Variants in RALY observed in about 807,000 individuals in gnomAD.
The protein encoded by RALY is RALY heterogeneous nuclear ribonucleoprotein.
In RALY, 15 loss-of-function variants were observed where a neutral mutation model predicts 30.7. That is an observed-to-expected ratio of 0.49 (90% confidence interval 0.33 to 0.75). RALY has a LOEUF of 0.75. RALY is among the 30% of genes least tolerant of loss of function. The pLI is 0.02. For missense variants in RALY, 339 were observed against 414.3 expected, an observed-to-expected ratio of 0.82 and a Z score of 1.58; for synonymous variants, 177 against 170.8, an observed-to-expected ratio of 1.04 and a Z score of -0.28.
intron 2 of RALY, among the ~76,000 whole-genome samples, chr20:34,036,438 G>A (rs1388961636): frequency 6.6e-6 from 1 of 152,144 alleles, no homozygotes; most frequent in Non-Finnish European, 1.5e-5. Flanking sequence ...ATCCCACATG[G>A]TTGTAGTGTA....
intron 1 of RALY, among the ~76,000 whole-genome samples, chr20:34,010,383 C>T (rs2031348462): frequency 6.6e-6 from 1 of 152,116 alleles, no homozygotes; most frequent in African/African-American, 2.4e-5. Flanking sequence ...CACGCACCAC[C>T]ATGTCCTGTT....
intron 1 of RALY, among the ~76,000 whole-genome samples, chr20:34,025,899 G>GGT (rs2032008786): frequency 1.3e-5 from 1 of 75,918 alleles, no homozygotes; most frequent in Non-Finnish European, 2.4e-5. Flanking sequence ...ATTCCTGGTT[G>GGT]TTTTTTTTTT....
intron 5 of RALY, among the ~76,000 whole-genome samples, chr20:34,075,069 C>T (rs2033835611): frequency 6.6e-6 from 1 of 152,052 alleles, no homozygotes; most frequent in African/African-American, 2.4e-5. Flanking sequence ...GGAAAGGAAG[C>T]CCTCCTAGAG....
chr20:34,072,809 C>T (rs1360774129), intron 3 of RALY, among the ~76,000 whole-genome samples: 1 of 152,134 alleles, frequency 6.6e-6, no homozygotes, highest in Non-Finnish European at 1.5e-5. Flanking sequence ...TGCATTTACT[C>T]CTGTGTATAT....
chr20:34,035,818 A>T (rs1405741092), intron 2 of RALY, among the ~76,000 whole-genome samples: 2 of 152,330 alleles, frequency 1.3e-5, no homozygotes, highest in East Asian at 3.9e-4. Flanking sequence ...GAAAAATAGC[A>T]GGGTAAGGGA....
intron 2 of RALY, among the ~76,000 whole-genome samples, chr20:34,068,349 A>G (rs1472360271): frequency 6.6e-6 from 1 of 152,166 alleles, no homozygotes; most frequent in African/African-American, 2.4e-5. Context: ...AAAGCATAGG[A>G]AGAATTGGGT....
chr20:34,063,867 C>T (rs1250656633), intron 2 of RALY, among the ~76,000 whole-genome samples: 2 of 152,158 alleles, frequency 1.3e-5, no homozygotes, highest in East Asian at 3.9e-4. Flanking sequence ...CTGCTCCTAC[C>T]CCTTCTCTGA....
intron 1 of RALY, among the ~76,000 whole-genome samples, chr20:34,015,624 A>G (rs1344227261): frequency 6.6e-6 from 1 of 151,690 alleles, no homozygotes; most frequent in Non-Finnish European, 1.5e-5. Flanking sequence ...TGGGGGTGTC[A>G]TTATCATTTT....
chr20:34,059,878 C>T (rs969217820), intron 2 of RALY, among the ~76,000 whole-genome samples: 6 of 152,278 alleles, frequency 3.9e-5, no homozygotes, highest in Admixed American at 1.3e-4. Flanking sequence ...GCAGGGGAGC[C>T]CAATCTGCTC....
chr20:34,059,282 A>G (rs2033347841), intron 2 of RALY, among the ~76,000 whole-genome samples: 1 of 152,226 alleles, frequency 6.6e-6, no homozygotes, highest in Non-Finnish European at 1.5e-5. Flanking sequence ...TCTGCATGAA[A>G]GGATTTTAAT....
chr20:34,006,214 A>G (rs758350880), intron 1 of RALY, among the ~76,000 whole-genome samples: 6 of 152,238 alleles, frequency 3.9e-5, no homozygotes, highest in Non-Finnish European at 8.8e-5. Context: ...CTTGGCTTCA[A>G]CAGTTAGCAA....
intron 1 of RALY, among the ~76,000 whole-genome samples, chr20:33,994,764 A>G (rs1005017202): frequency 1.3e-5 from 2 of 151,224 alleles, no homozygotes; most frequent in African/African-American, 4.9e-5. Flanking sequence ...AAAGAAGGAA[A>G]CTCGCTTTGC....
In RALY at chr20:34,077,068, CGGCGGTGGTGGT is replaced by C; in HGVS notation, c.703_714del (p.Gly235_Gly238del). 2.5e-6 allele frequency: 4 copies of C among 1,604,916 alleles called. No individual in the cohort carries two copies. Among genetic ancestry groups the C allele is most frequent in the Non-Finnish European group, 3.4e-6 (4 of 1,175,858 alleles). Reference sequence around the variant, plus strand: ...GTGATGGAGGTGGCGCCGGCGGCGGCGGCGGTGGTGGTGGCAGCGGTGGCGGTGGCAGTGGTG... The same window carrying C: ...GTGATGGAGGTGGCGCCGGCGGCGGCGGCAGCGGTGGCGGTGGCAGTGGTG... On this transcript the variant is annotated inframe_deletion, in exon 8 of 10. Transcript: ENST00000246194.
Position 34,083,344 on chromosome 20 carries a change from C to T in RALY, c.*3439C>T, listed in dbSNP as rs1290172121. ...TGGTTGGCTGGGCAACTGGGCCACA[C>T]GTTCCAGCATCTAGCAGGCTGACCC... On this transcript the variant is annotated 3_prime_UTR_variant, in exon 10 of 10. Coordinates refer to ENST00000246194, the MANE Select transcript of RALY (RefSeq NM_016732.3). The T allele has an allele frequency of 6.6e-6, 1 of 152,196 alleles. No individual in the cohort carries two copies. The allele number at this position is 152,196 out of a possible 1,614,324, so 9.4% of individuals were successfully genotyped here. A position where few individuals can be genotyped will look rare whatever the true frequency, so the allele number is the denominator to read the frequency against.
At chr20:34,046,768 G>T (rs2032894094) in intron 2 of RALY, among the ~76,000 whole-genome samples, 1 of 148,586 alleles carries the variant, frequency 6.7e-6, no homozygotes, top group African/African-American at 2.5e-5. Flanking sequence ...GTTGCTCTGT[G>T]ATTTTCTAGC....
rs2030431870 is a variant in RALY, at chr20:33,993,914, A to G, written c.-310A>G. ...CGGTTGCGGGGCTCGCGCCGCTGTC[A>G]GTGCGGCGGGGCGCGCGAGCGGCGC... On this transcript the variant is annotated 5_prime_UTR_variant, in exon 1 of 10. Coordinates refer to ENST00000246194, the MANE Select transcript of RALY (RefSeq NM_016732.3). 2 of 151,878 alleles carry G rather than the reference A, an allele frequency of 1.3e-5. No individual in the cohort carries two copies. The highest frequency in any genetic ancestry group is 6.6e-5 in the Admixed American group (1 of 15,250). 9.4% of individuals were successfully genotyped at this position (151,878 alleles called of 1,614,324 possible).
At chr20:34,068,961 C>T (rs751834527) in intron 2 of RALY, among the ~76,000 whole-genome samples, 25 of 152,182 alleles carry the variant, frequency 1.6e-4, no homozygotes, top group Non-Finnish European at 3.2e-4. Flanking sequence ...GCTGTTTAGA[C>T]GAGGAGCTCA....
chr20:34,053,213 A>G (rs1229577729), intron 2 of RALY, among the ~76,000 whole-genome samples: 2 of 151,890 alleles, frequency 1.3e-5, no homozygotes, highest in Non-Finnish European at 2.9e-5. Context: ...TTCAAAGCAC[A>G]TCTGATCACA....
At chr20:34,041,321 C>CTGA (rs1354606400) in intron 2 of RALY, among the ~76,000 whole-genome samples, 3 of 152,178 alleles carry the variant, frequency 2.0e-5, no homozygotes, top group Admixed American at 6.6e-5. Flanking sequence ...TAAGATTGTT[C>CTGA]TGATAGGTTC....
Sources: gnomAD v4.1 joint callset for allele counts (sites outside exome capture counted in the v4.1 genomes callset) on GRCh38, gnomAD v4.1.1 for gene constraint, MANE v1.5 for transcripts, NCBI Gene and HGNC (gene_info 2026-07-23, HGNC 2026-07-21) for gene names.